CNTN1: variants seen among roughly 807,000 people sequenced by gnomAD.
CNTN1 encodes contactin-1.
A neutral mutation model predicts 126.4 loss-of-function variants in CNTN1; 38 were observed. The ratio of observed to expected loss-of-function variants is 0.30; its 90% CI spans 0.23 to 0.39. The LOEUF is 0.39. Ranked by LOEUF, CNTN1 falls within the 10% of genes least tolerant of loss-of-function variation. CNTN1 has a pLI of 1.00. For missense variants in CNTN1, 1,009 were observed against 1,248.4 expected, an observed-to-expected ratio of 0.81 and a Z score of 2.89; for synonymous variants, 413 against 422.6, an observed-to-expected ratio of 0.98 and a Z score of 0.28.
chr12:40,831,060 A>G (rs1338366790), intron 1 of CNTN1, among the ~76,000 whole-genome samples: 1 of 141,304 alleles, frequency 7.1e-6, no homozygotes, highest in Non-Finnish European at 1.5e-5. Context: ...AAATATATAC[A>G]ATACAGTATA....
chr12:40,890,695 T>C (rs2031128285), intron 1 of CNTN1, among the ~76,000 whole-genome samples: 1 of 152,322 alleles, frequency 6.6e-6, no homozygotes, highest in Middle Eastern at 3.4e-3. Context: ...CATTTCTTTT[T>C]AGTGCTAAAT....
chr12:40,899,390 A>G (rs1481845325), intron 1 of CNTN1, among the ~76,000 whole-genome samples: 1 of 152,162 alleles, frequency 6.6e-6, no homozygotes, highest in Non-Finnish European at 1.5e-5. Context: ...GAAACCTTCT[A>G]GTTATTAGTC....
intron 1 of CNTN1, among the ~76,000 whole-genome samples, chr12:40,898,876 A>T (rs1392632746): frequency 6.6e-6 from 1 of 152,236 alleles, no homozygotes; most frequent in Non-Finnish European, 1.5e-5. Context: ...ATATTCAGAT[A>T]CTGTGCAGCA....
At chr12:40,963,741 A>G (rs1947193363) in intron 15 of CNTN1, among the ~76,000 whole-genome samples, 1 of 152,004 alleles carries the variant, frequency 6.6e-6, no homozygotes, top group Admixed American at 6.6e-5. Flanking sequence ...GTTGCAATAA[A>G]ATTTTTATTT....
At chr12:40,881,672 G>C (rs1943873469) in intron 1 of CNTN1, among the ~76,000 whole-genome samples, 1 of 151,754 alleles carries the variant, frequency 6.6e-6, no homozygotes, top group African/African-American at 2.4e-5. Flanking sequence ...AAATAGATAA[G>C]GGCTTTGCAG....
intron 1 of CNTN1, among the ~76,000 whole-genome samples, chr12:40,906,050 C>T (rs190858603): frequency 0.019 from 2,912 of 152,148 alleles, 99 homozygotes; most frequent in African/African-American, 0.067. Context: ...CCGAGGCGGG[C>T]GGATCACGAG....
At chr12:40,932,751 G>A (rs938084849) in intron 7 of CNTN1, among the ~76,000 whole-genome samples, 4 of 151,854 alleles carry the variant, frequency 2.6e-5, no homozygotes, top group African/African-American at 9.7e-5. Context: ...CTCTTTCAAA[G>A]TACCCATTTT....
intron 1 of CNTN1, among the ~76,000 whole-genome samples, chr12:40,793,936 A>G (rs995658291): frequency 1.9e-4 from 27 of 144,710 alleles, no homozygotes; most frequent in Admixed American, 1.0e-3. Flanking sequence ...CTAATACATT[A>G]GAAATGTAAA....
At chr12:40,823,883 C>T (rs1453332438) in intron 1 of CNTN1, among the ~76,000 whole-genome samples, 1 of 152,124 alleles carries the variant, frequency 6.6e-6, no homozygotes, top group Non-Finnish European at 1.5e-5. Flanking sequence ...TCACCATATT[C>T]TTGTAATACT....
chr12:40,842,441 T>G (rs1942321238), intron 1 of CNTN1, among the ~76,000 whole-genome samples: 1 of 152,118 alleles, frequency 6.6e-6, no homozygotes, highest in Admixed American at 6.5e-5. Context: ...TTTGAGGTGA[T>G]GGGTATCCCA....
chr12:40,795,282 C>A (rs1940375144), intron 1 of CNTN1, among the ~76,000 whole-genome samples: 2 of 22,012 alleles, frequency 9.1e-5, no homozygotes, highest in Admixed American at 4.1e-4. Flanking sequence ...TATACACACA[C>A]ACACACACAC....
chr12:40,696,990 T>G (rs186090405), intron 1 of CNTN1, among the ~76,000 whole-genome samples: 37 of 152,372 alleles, frequency 2.4e-4, no homozygotes, highest in Non-Finnish European at 4.9e-4. Context: ...TTCATTTCAT[T>G]TAATATTCTT....
At chr12:40,949,855 C>T (rs553837478) in intron 14 of CNTN1, among the ~76,000 whole-genome samples, 3 of 152,060 alleles carry the variant, frequency 2.0e-5, no homozygotes, top group African/African-American at 7.2e-5. Flanking sequence ...GGGTTACAGG[C>T]ATGAGCCACC....
chr12:40,832,921 C>A (rs185185718), intron 1 of CNTN1, among the ~76,000 whole-genome samples: 12 of 152,258 alleles, frequency 7.9e-5, no homozygotes, highest in Non-Finnish European at 1.6e-4. Context: ...TAAGCACTTA[C>A]CTGCTCCTGT....
intron 23 of CNTN1, among the ~76,000 whole-genome samples, chr12:41,051,742 A>T (rs1289364790): frequency 1.3e-5 from 2 of 152,110 alleles, no homozygotes; most frequent in African/African-American, 4.8e-5. Flanking sequence ...TCTAAATAAA[A>T]TAATTTAATA....
At chr12:40,910,962 G>A (rs867475404) in intron 3 of CNTN1, among the ~76,000 whole-genome samples, 14 of 152,286 alleles carry the variant, frequency 9.2e-5, no homozygotes, top group South Asian at 2.1e-4. Context: ...CTGTTTTCAC[G>A]CTGTTGATAA....
At chr12:40,813,634 A>G (rs1332823890) in intron 1 of CNTN1, among the ~76,000 whole-genome samples, 3 of 152,128 alleles carry the variant, frequency 2.0e-5, no homozygotes, top group Non-Finnish European at 4.4e-5. Flanking sequence ...TTGCTATTGT[A>G]AATAGTGCTG....
chr12:40,962,345 A>G (rs1947133425), intron 15 of CNTN1, among the ~76,000 whole-genome samples: 1 of 152,134 alleles, frequency 6.6e-6, no homozygotes, highest in South Asian at 2.1e-4. Context: ...AATTTCTATC[A>G]GAAAAGAAGT....
intron 16 of CNTN1, among the ~76,000 whole-genome samples, chr12:40,985,907 G>A (rs1766989459): frequency 6.6e-6 from 1 of 152,002 alleles, no homozygotes; most frequent in Non-Finnish European, 1.5e-5. Flanking sequence ...TTATCTGCGT[G>A]TCTGTGTTTC....
Sources: gnomAD v4.1 joint callset for allele counts (sites outside exome capture counted in the v4.1 genomes callset) on GRCh38, gnomAD v4.1.1 for gene constraint, MANE v1.5 for transcripts, NCBI Gene and HGNC (gene_info 2026-07-23, HGNC 2026-07-21) for gene names.